The following MACROD2 variants were observed in gnomAD, a reference collection of about 807,000 sequenced individuals.
MACROD2 encodes ADP-ribose glycohydrolase MACROD2.
In MACROD2, 36 loss-of-function variants were observed where a neutral mutation model predicts 70.4. The observed-to-expected ratio is 0.51, with a 90% CI of 0.39 to 0.68. The LOEUF (loss-of-function observed/expected upper bound fraction) is 0.68, where lower values mean the gene tolerates loss of function less well. Ranked by LOEUF, MACROD2 falls within the 30% of genes least tolerant of loss-of-function variation. MACROD2 has a pLI of 0.00. For missense variants in MACROD2, 496 were observed against 538.4 expected (o/e 0.92, Z 0.78); for synonymous variants, 172 against 178.8 (o/e 0.96, Z 0.30).
At chr20:15,907,543 G>T (rs546399580) in intron 10 of MACROD2, among the ~76,000 whole-genome samples, 1 of 152,116 alleles carries the variant, frequency 6.6e-6, no homozygotes, top group Non-Finnish European at 1.5e-5. Context: ...ATTAGCAAAG[G>T]GTTAATATTA....
chr20:15,785,749 C>T (rs2051914333), intron 8 of MACROD2, among the ~76,000 whole-genome samples: 1 of 152,090 alleles, frequency 6.6e-6, no homozygotes, highest in Non-Finnish European at 1.5e-5. Flanking sequence ...TTTCATCATA[C>T]ATATCCCACC....
intron 8 of MACROD2, among the ~76,000 whole-genome samples, chr20:15,737,031 A>C (rs1443864696): frequency 6.6e-6 from 1 of 152,236 alleles, no homozygotes; most frequent in Non-Finnish European, 1.5e-5. Flanking sequence ...TGATGGCAGG[A>C]GCAATGGGAG....
At chr20:14,719,548 G>T (rs184573825) in intron 5 of MACROD2, among the ~76,000 whole-genome samples, 1 of 151,854 alleles carries the variant, frequency 6.6e-6, no homozygotes, top group Non-Finnish European at 1.5e-5. Flanking sequence ...TGCAAACATG[G>T]GGGCCTGATT....
intron 5 of MACROD2, among the ~76,000 whole-genome samples, chr20:15,071,429 C>A (rs2075618582): frequency 6.6e-6 from 1 of 152,174 alleles, no homozygotes; most frequent in African/African-American, 2.4e-5. Flanking sequence ...TTCATGCCTT[C>A]CTTCCCTAGC....
intron 5 of MACROD2, among the ~76,000 whole-genome samples, chr20:15,058,076 T>G (rs2075500953): frequency 6.6e-6 from 1 of 152,150 alleles, no homozygotes; most frequent in South Asian, 2.1e-4. Flanking sequence ...TTCTTTCACC[T>G]TGTCTGAGGC....
intron 6 of MACROD2, among the ~76,000 whole-genome samples, chr20:15,366,200 C>A (rs1196689495): frequency 1.3e-5 from 2 of 152,144 alleles, no homozygotes; most frequent in Non-Finnish European, 2.9e-5. Context: ...CCAGTGAGGT[C>A]TTGTTTAAGA....
chr20:14,616,795 C>G (rs564356589), intron 4 of MACROD2, among the ~76,000 whole-genome samples: 1 of 152,100 alleles, frequency 6.6e-6, no homozygotes, highest in African/African-American at 2.4e-5. Context: ...CCTACTTCAT[C>G]TTAATGTCTA....
At chr20:15,005,778 C>T (rs2075030807) in intron 5 of MACROD2, among the ~76,000 whole-genome samples, 1 of 152,122 alleles carries the variant, frequency 6.6e-6, no homozygotes, top group African/African-American at 2.4e-5. Context: ...AACCAGCCTA[C>T]CAAACGTTTA....
chr20:15,670,111 T>A (rs1341099417), intron 8 of MACROD2, among the ~76,000 whole-genome samples: 1 of 152,220 alleles, frequency 6.6e-6, no homozygotes, highest in Admixed American at 6.5e-5. Flanking sequence ...GTAGTACCTT[T>A]CTCTGGCTTG....
chr20:14,655,470 A>G (rs1336846248), intron 4 of MACROD2, among the ~76,000 whole-genome samples: 2 of 152,064 alleles, frequency 1.3e-5, no homozygotes, highest in Non-Finnish European at 2.9e-5. Flanking sequence ...TAGTTATTCA[A>G]ACATGATAAA....
At chr20:15,652,149 G>A (rs2049654636) in intron 8 of MACROD2, among the ~76,000 whole-genome samples, 1 of 152,138 alleles carries the variant, frequency 6.6e-6, no homozygotes, top group African/African-American at 2.4e-5. Flanking sequence ...ACCTGCTAGT[G>A]TTGATCACAT....
At chr20:15,432,081 TTAA>T (rs1170204219) in intron 7 of MACROD2, among the ~76,000 whole-genome samples, 1 of 152,018 alleles carries the variant, frequency 6.6e-6, no homozygotes, top group African/African-American at 2.4e-5. Context: ...TTTCAGACCA[TTAA>T]TAAGTCTGTT....
chr20:14,404,074 C>T (rs889286887), intron 3 of MACROD2, among the ~76,000 whole-genome samples: 3 of 151,556 alleles, frequency 2.0e-5, no homozygotes, highest in Admixed American at 6.6e-5. Flanking sequence ...TAGATCAGAC[C>T]GTGGAATGAA....
At chr20:14,472,668 T>C (rs2084543704) in intron 3 of MACROD2, among the ~76,000 whole-genome samples, 1 of 152,212 alleles carries the variant, frequency 6.6e-6, no homozygotes, top group African/African-American at 2.4e-5. Flanking sequence ...AGAAGGACTA[T>C]CTAATTGTGC....
At chr20:15,365,170 C>A (rs768533146) in intron 6 of MACROD2, among the ~76,000 whole-genome samples, 1 of 150,222 alleles carries the variant, frequency 6.7e-6, no homozygotes, top group Non-Finnish European at 1.5e-5. Flanking sequence ...TTCTTTGGGG[C>A]GGGGCGGGGG....
intron 6 of MACROD2, among the ~76,000 whole-genome samples, chr20:15,232,558 G>A (rs77621369): frequency 0.018 from 2,761 of 152,040 alleles, 86 homozygotes; most frequent in African/African-American, 0.064. Context: ...GGGATCAGTC[G>A]GGATAATGTG....
chr20:15,338,431 C>T (rs1046725541), intron 6 of MACROD2, among the ~76,000 whole-genome samples: 1 of 151,472 alleles, frequency 6.6e-6, no homozygotes, highest in African/African-American at 2.4e-5. Context: ...GAACCACCAA[C>T]AATCTTTTTC....
rs371398364 is a variant in MACROD2 at position 15,077,117 on chromosome 20, C to T, written c.419-152823C>T. On this transcript the variant is annotated intron_variant, in intron 5 of 17. Coordinates refer to ENST00000684519, the MANE Select transcript of MACROD2 (RefSeq NM_001351661.2). ...TATTAAGGGTGGTAAGAAATTTACA[C>T]AAAACAGACCCTGAATTGTTTTAAA... is the stretch of plus-strand genomic sequence containing the variant. Among the ~76,000 whole-genome samples, 7 of 152,278 alleles carry T rather than the reference C, an allele frequency of 4.6e-5. No homozygotes were observed. In the East Asian group the frequency reaches 5.8e-4, roughly 13 times the overall value.
intron 5 of MACROD2, among the ~76,000 whole-genome samples, chr20:15,059,831 A>G (rs1050703318): frequency 2.2e-4 from 33 of 152,218 alleles, no homozygotes; most frequent in Non-Finnish European, 4.3e-4. Flanking sequence ...AATTTCATGT[A>G]GCCAAGGAGG....
Sources: allele counts gnomAD v4.1 joint callset (sites outside exome capture counted in the v4.1 genomes callset), GRCh38; gene constraint gnomAD v4.1.1; transcripts MANE v1.5; gene names NCBI Gene and HGNC (gene_info 2026-07-23, HGNC 2026-07-21).